The following LTAP1 variants were observed in gnomAD, a reference collection of about 807,000 sequenced individuals.
The protein encoded by LTAP1 is lipid transport auxiliary protein 1.
the LTAP1 span, among the ~76,000 whole-genome samples, chr1:154,218,885 G>C: frequency 3.7e-4 from 56 of 152,222 alleles, 1 homozygote; most frequent in Admixed American, 3.5e-3. Flanking sequence ...AAAATAAAGA[G>C]AGGGGGAACC....
the LTAP1 span, chr1:154,208,571 C>A: frequency 6.6e-6 from 1 of 152,024 alleles, no homozygotes; most frequent in African/African-American, 2.4e-5. Flanking sequence ...GACAGGTATC[C>A]CCAATATAGG....
chr1:154,214,025 C>T, the LTAP1 span: 1 of 1,358,200 alleles, frequency 7.4e-7, no homozygotes, highest in Non-Finnish European at 1.0e-6. Context: ...TGCCTGTAAT[C>T]CCAACACTTT....
chr1:154,216,488 C>G, the LTAP1 span, among the ~76,000 whole-genome samples: 2 of 151,990 alleles, frequency 1.3e-5, no homozygotes, highest in South Asian at 4.2e-4. Flanking sequence ...GCACACACCA[C>G]CATGCATGGC....
the LTAP1 span, among the ~76,000 whole-genome samples, chr1:154,210,797 G>T: frequency 6.6e-6 from 1 of 150,866 alleles, no homozygotes; most frequent in Non-Finnish European, 1.5e-5. Flanking sequence ...CTCTAGATTG[G>T]CTTTCCTTTC....
the LTAP1 span, chr1:154,207,339 A>G: frequency 2.2e-6 from 2 of 929,122 alleles, no homozygotes; most frequent in Non-Finnish European, 3.4e-6. Context: ...GGGAACTTGG[A>G]TGGATACAGT....
the LTAP1 span, chr1:154,220,467 C>G: frequency 1.3e-6 from 2 of 1,599,124 alleles, no homozygotes; most frequent in East Asian, 2.2e-5. Context: ...CTGGTCAGCC[C>G]AGGCTCCGCC....
At chr1:154,207,384 C>G in the LTAP1 span, 1 of 1,511,650 alleles carries the variant, frequency 6.6e-7, no homozygotes, top group Non-Finnish European at 9.2e-7. Flanking sequence ...CGAGGGCGGC[C>G]CGGCAAGCAG....
At chr1:154,219,735 G>A in the LTAP1 span, 1 of 900,454 alleles carries the variant, frequency 1.1e-6, no homozygotes, top group Non-Finnish European at 1.7e-6. Context: ...TGCACGCAAA[G>A]AAACATGAGA....
At chr1:154,213,850 G>A in the LTAP1 span, 21 of 1,547,994 alleles carry the variant, frequency 1.4e-5, no homozygotes, top group Non-Finnish European at 1.6e-5. Context: ...TCCCTAGGTG[G>A]GCTTTCAGGA....
At chr1:154,212,703 C>T in the LTAP1 span, 369 of 1,524,578 alleles carry the variant, frequency 2.4e-4, no homozygotes, top group African/African-American at 4.0e-3. Context: ...CTCTGTCACC[C>T]GGGCTGGAGT....
At chr1:154,220,411 C>T in the LTAP1 span, 8 of 1,614,112 alleles carry the variant, frequency 5.0e-6, no homozygotes, top group African/African-American at 5.3e-5. Context: ...ACGCCATGGC[C>T]TCCCTACCTC....
At chr1:154,216,584 C>T in the LTAP1 span, among the ~76,000 whole-genome samples, 1 of 151,952 alleles carries the variant, frequency 6.6e-6, no homozygotes, top group South Asian at 2.1e-4. Flanking sequence ...TGGCTCATTG[C>T]AACCTCTGCC....
At chr1:154,211,299 G>A in the LTAP1 span, among the ~76,000 whole-genome samples, 15 of 145,556 alleles carry the variant, frequency 1.0e-4, no homozygotes, top group Admixed American at 4.1e-4. Flanking sequence ...CACCGCGCCC[G>A]GCCAAAAATA....
chr1:154,212,298 AC>A, the LTAP1 span: 1 of 1,613,770 alleles, frequency 6.2e-7, no homozygotes, highest in South Asian at 1.1e-5. Context: ...GCTCCCTCTG[AC>A]ACGTTCCCCT....
At chr1:154,219,306 G>A in the LTAP1 span, among the ~76,000 whole-genome samples, 5 of 152,316 alleles carry the variant, frequency 3.3e-5, no homozygotes, top group Non-Finnish European at 7.3e-5. Flanking sequence ...AAGGAAGACA[G>A]TCACCTAAGG....
At chr1:154,214,131 G>A in the LTAP1 span, among the ~76,000 whole-genome samples, 1 of 152,274 alleles carries the variant, frequency 6.6e-6, no homozygotes, top group South Asian at 2.1e-4. Flanking sequence ...CACAAAATTA[G>A]CCAGGCGTGG....
the LTAP1 span, chr1:154,208,401 T>C: frequency 6.6e-6 from 1 of 152,058 alleles, no homozygotes; most frequent in African/African-American, 2.4e-5. Flanking sequence ...TCTCTCTCTC[T>C]CACACACACC....
chr1:154,214,204 G>T, the LTAP1 span, among the ~76,000 whole-genome samples: 1 of 152,118 alleles, frequency 6.6e-6, no homozygotes, highest in Non-Finnish European at 1.5e-5. Flanking sequence ...TTGAACAAGG[G>T]GGTGGAGGTT....
chr1:154,220,441 T>C, the LTAP1 span: 2 of 1,613,524 alleles, frequency 1.2e-6, no homozygotes, highest in Non-Finnish European at 8.5e-7. Flanking sequence ...TGTTCGGGTT[T>C]ACCCCGCTGT....
Sources: gnomAD v4.1 joint callset for allele counts (sites outside exome capture counted in the v4.1 genomes callset) on GRCh38, gnomAD v4.1.1 for gene constraint, MANE v1.5 for transcripts, NCBI Gene and HGNC (gene_info 2026-07-23, HGNC 2026-07-21) for gene names.